Variants in ZNF318 observed in about 807,000 individuals in gnomAD.
ZNF318 encodes zinc finger protein 318, also known as endocrine regulator.
In ZNF318, 51 loss-of-function variants were observed where a neutral mutation model predicts 124.2. The ratio of observed to expected loss-of-function variants is 0.41; its 90% CI spans 0.33 to 0.52. ZNF318 has a LOEUF of 0.52. ZNF318 is among the 20% of genes least tolerant of loss of function. The pLI is 0.23. For missense variants in ZNF318, 2,815 were observed against 2,811.2 expected (o/e 1.00, Z -0.03); for synonymous variants, 1,090 against 1,040.7 (o/e 1.05, Z -0.91).
At position 43,338,227 on chromosome 6, in the gene ZNF318, G is replaced by A. The variant is rs1369341800; in HGVS notation, c.5771C>T (p.Ser1924Leu). ...SVVSEEGLEN[S>L]APESASRTSR... ...AGTTCTAGAAGCTGATTCTGGAGCTGAATTCTCTAGCCCCTCCTCACTAAC... is the reference window on the plus strand; with the variant it reads ...AGTTCTAGAAGCTGATTCTGGAGCTAAATTCTCTAGCCCCTCCTCACTAAC... The change falls in exon 10 of 10, where the codon TCA (serine) becomes TTA (leucine). Residue 1924 changes from serine (S) to leucine (L), a missense_variant. By Grantham distance (145) the Ser-to-Leu change is moderately radical. Around this residue, in one of 4 missense-constraint regions of ZNF318, gnomAD observed 927 missense variants for 820.6 expected, o/e 1.13. Transcript: ENST00000361428. The A allele has an allele frequency of 1.9e-6, 3 of 1,614,128 alleles. No individual in the cohort carries two copies. Among genetic ancestry groups the A allele is most frequent in the Admixed American group, 1.7e-5 (1 of 60,010 alleles).
chr6:43,358,815 C>T (rs1001315310), intron 2 of ZNF318, among the ~76,000 whole-genome samples: 1 of 152,160 alleles, frequency 6.6e-6, no homozygotes, highest in Non-Finnish European at 1.5e-5. Context: ...CTCAGCCTCC[C>T]AAACTGCTGG....
In ZNF318 at chr6:43,357,726, G is replaced by T. The variant is rs1231496675; in HGVS notation, c.588C>A (p.Ser196=). Residue 196 remains serine, a synonymous_variant, in exon 3 of 10, where the codon TCC becomes TCA. Transcript: ENST00000361428. ...LTDDSVFTRS[S]QCSRGLERYI... is the part of the protein sequence containing the mutation. The stretch of plus-strand genomic sequence containing the variant: ...ATCGCTCAAGACCCCGAGAGCACTG[G>T]GAGCTTCGAGTGAAGACAGAATCAT... 4 of 1,604,144 alleles carry T rather than the reference G, an allele frequency of 2.5e-6. No homozygotes were observed. The Admixed American group carries it at 6.7e-5, about 27-fold the overall frequency.
intron 8 of ZNF318, among the ~76,000 whole-genome samples, chr6:43,341,789 C>T (rs1299042534): frequency 6.6e-6 from 1 of 152,186 alleles, no homozygotes; most frequent in Non-Finnish European, 1.5e-5. Flanking sequence ...TACTGCATCT[C>T]CTGTCCTTTT....
chr6:43,353,910 C>G (rs1270024791), intron 4 of ZNF318, among the ~76,000 whole-genome samples: 1 of 152,094 alleles, frequency 6.6e-6, no homozygotes, highest in Non-Finnish European at 1.5e-5. Context: ...TTCCCACAGG[C>G]TGGGGACCCA....
At position 43,369,346 on chromosome 6, in the gene ZNF318, C is replaced by T. The variant is rs1210643934; in HGVS notation, c.20G>A (p.Arg7His). The T allele has an allele frequency of 1.5e-6, 2 of 1,334,872 alleles. No homozygotes were observed. Among genetic ancestry groups the T allele is most frequent in the African/African-American group, 3.1e-5 (2 of 64,758 alleles). 82.7% of individuals were successfully genotyped at this position (1,334,872 alleles called of 1,614,324 possible). Residue 7 changes from arginine to histidine, a missense_variant, in exon 1 of 10, where the codon CGC (arginine) becomes CAC (histidine). Physicochemically the swap from Arg to His is conservative, Grantham distance 29. Coordinates refer to ENST00000361428, the MANE Select transcript of ZNF318 (RefSeq NM_014345.3). MYRSSA[R>H]SSVSSHRPKD... ...AGGCCGGTGGGAAGAGACGGAGGAG[C>T]GAGCGCTGCTGCGGTACATGGTTCT... is the stretch of plus-strand genomic sequence containing the variant.
intron 2 of ZNF318, chr6:43,363,485 G>A (rs760133855): frequency 5.5e-5 from 11 of 200,578 alleles, no homozygotes; most frequent in Admixed American, 1.2e-4. Context: ...CAGAGGCCCC[G>A]GGGGCCCTGG....
At chr6:43,352,686 G>A (rs1779546359) in intron 4 of ZNF318, among the ~76,000 whole-genome samples, 1 of 151,990 alleles carries the variant, frequency 6.6e-6, no homozygotes. Flanking sequence ...GTCCAGAAAG[G>A]TTGTTTGTTT....
In ZNF318 at chr6:43,354,941, G is replaced by C; in HGVS notation, c.2393C>G (p.Ala798Gly). Residue 798 changes from alanine to glycine, a missense_variant, in exon 4 of 10, where the codon GCA (alanine) becomes GGA (glycine). Ala to Gly is a moderately conservative substitution (Grantham distance 60). Around this residue, in one of 4 missense-constraint regions of ZNF318, gnomAD observed 1,377 missense variants for 1,353.5 expected, o/e 1.02. Transcript: ENST00000361428. ...FDAYRHYMAYAASRWPMYPTS... is the reference protein window; with the variant it reads ...FDAYRHYMAYGASRWPMYPTS... The stretch of plus-strand genomic sequence containing the variant: ...GGGATACATGGGCCATCTGGAGGCT[G>C]CATATGCCATGTAGTGCCTATAGGC... 1.2e-6 allele frequency: 2 copies of C among 1,610,254 alleles called. No homozygotes were observed. Among genetic ancestry groups the C allele is most frequent in the Non-Finnish European group, 1.7e-6 (2 of 1,177,634 alleles).
chr6:43,338,621 C>A lies in ZNF318; in HGVS notation c.5377G>T (p.Val1793Phe), dbSNP rs1387508316. ...ATGCTGGTACTTACTCCCTCATCAA[C>A]TATCCCCTCAGACAGCTCCTTTACC... ...ERVKELSEGIVDEGVSTSIGP... is the reference protein window; with the variant it reads ...ERVKELSEGIFDEGVSTSIGP... The change falls in exon 10 of 10, where the codon GTT (valine) becomes TTT (phenylalanine). Residue 1793 changes from valine (V) to phenylalanine (F), a missense_variant. This residue lies in a region of ZNF318 where 927 missense variants were observed against 820.6 expected (regional missense o/e 1.13). Transcript: ENST00000361428. The A allele has an allele frequency of 1.2e-6, 2 of 1,614,156 alleles. No individual in the cohort carries two copies. The highest frequency in any genetic ancestry group is 1.7e-6 in the Non-Finnish European group (2 of 1,180,018).
At position 43,354,975 on chromosome 6, in the gene ZNF318, A is replaced by T. The variant is rs758697100; in HGVS notation, c.2359T>A (p.Ser787Thr). The change falls in exon 4 of 10, where the codon TCT (serine) becomes ACT (threonine). Residue 787 changes from serine (S) to threonine (T), a missense_variant. This residue lies in a region of ZNF318 where 1,377 missense variants were observed against 1,353.5 expected (regional missense o/e 1.02). Transcript: ENST00000361428. ...NYQGPAIPPA[S>T]FDAYRHYMAY... ...ATGTAGTGCCTATAGGCATCAAAAG[A>T]GGCAGGGGGAATGGCAGGTCCCTGG... 52 of 1,609,808 alleles carry T rather than the reference A, an allele frequency of 3.2e-5. No homozygotes were observed. The highest frequency in any genetic ancestry group is 4.3e-5 in the Non-Finnish European group (51 of 1,177,648).
chr6:43,355,016 C>T lies in ZNF318; in HGVS notation c.2318G>A (p.Arg773Gln), dbSNP rs768471421. The T allele has an allele frequency of 1.2e-5, 20 of 1,612,530 alleles. No individual in the cohort carries two copies. The highest frequency in any genetic ancestry group is 1.6e-5 in the Non-Finnish European group (19 of 1,179,082). ...MPRASQFAAA[R>Q]IPPNYQGPAI... ...AGGTCCCTGGTAGTTCGGAGGTATC[C>T]GAGCTGCAGCAAACTGAGAGGCCCT... The change falls in exon 4 of 10, where the codon CGG (arginine) becomes CAG (glutamine). Residue 773 changes from arginine to glutamine, a missense_variant. Arg to Gln is a conservative substitution (Grantham distance 43). Coordinates refer to ENST00000361428, the MANE Select transcript of ZNF318 (RefSeq NM_014345.3).
intron 5 of ZNF318, among the ~76,000 whole-genome samples, chr6:43,349,940 C>T (rs1439455349): frequency 1.4e-4 from 22 of 152,032 alleles, no homozygotes; most frequent in East Asian, 3.9e-4. Context: ...CAGAATGAGA[C>T]CCTGTCTCTT....
chr6:43,356,346 G>T (rs1217753850), intron 3 of ZNF318, among the ~76,000 whole-genome samples: 1 of 152,160 alleles, frequency 6.6e-6, no homozygotes, highest in Non-Finnish European at 1.5e-5. Context: ...AGGAGAAACA[G>T]GAAGTGAGGC....
At chr6:43,351,531 A>T (rs1158181775) in intron 5 of ZNF318, among the ~76,000 whole-genome samples, 1 of 152,024 alleles carries the variant, frequency 6.6e-6, no homozygotes, top group Non-Finnish European at 1.5e-5. Flanking sequence ...GAGGCCGAGG[A>T]AGGAGGATTG....
intron 6 of ZNF318, among the ~76,000 whole-genome samples, chr6:43,345,962 G>A (rs1427918319): frequency 2.0e-5 from 3 of 151,968 alleles, no homozygotes; most frequent in Non-Finnish European, 4.4e-5. Context: ...CAGCACTTTG[G>A]GAGGCGGGGG....
intron 3 of ZNF318, among the ~76,000 whole-genome samples, chr6:43,356,620 C>T (rs370730215): frequency 3.9e-5 from 6 of 152,244 alleles, no homozygotes; most frequent in African/African-American, 1.4e-4. Context: ...TCTGACCATC[C>T]TTTCACAGGT....
intron 4 of ZNF318, 56 bp downstream of exon 4, chr6:43,354,608 C>T (rs1779577324): frequency 6.6e-7 from 1 of 1,507,062 alleles, no homozygotes; most frequent in Non-Finnish European, 8.9e-7. Flanking sequence ...AAAACATATA[C>T]AAATTTATGG....
Position 43,340,329 on chromosome 6 carries a change from T to G in ZNF318, c.3669A>C (p.Val1223=). The change falls in exon 10 of 10, where the codon GTA becomes GTC. Residue 1223 remains valine (V), a synonymous_variant. Transcript: ENST00000361428. ...TCTCAGAGACCTTGTCATCCTCCTT[T>G]ACTTCTTTCACAGCCTTTGCCTTTT... ...KEKKAKAVKE[V]KEDDKVSEKL... is the part of the protein sequence containing the mutation. The G allele has an allele frequency of 6.2e-7, 1 of 1,614,192 alleles. No individual in the cohort carries two copies. Among genetic ancestry groups the G allele is most frequent in the Non-Finnish European group, 8.5e-7 (1 of 1,180,040 alleles).
intron 2 of ZNF318, chr6:43,364,285 TACAACATA>T: frequency 2.6e-6 from 1 of 390,904 alleles, no homozygotes. Context: ...CAGCTGTGGC[TACAACATA>T]GGGTTTTTAT....
Sources: allele counts gnomAD v4.1 joint callset (sites outside exome capture counted in the v4.1 genomes callset), GRCh38; gene constraint gnomAD v4.1.1; regional missense constraint gnomAD v4.1.1; transcripts MANE v1.5; gene names NCBI Gene and HGNC (gene_info 2026-07-23, HGNC 2026-07-21).